The following PRKG1 variants were observed in gnomAD, a reference collection of about 807,000 sequenced individuals.
The protein encoded by PRKG1 is cGMP-dependent protein kinase 1.
A neutral mutation model predicts 88.1 loss-of-function variants in PRKG1; 35 were observed. That is an observed-to-expected ratio of 0.40 (90% CI 0.30 to 0.53). PRKG1 has a LOEUF of 0.53. Among genes scored for constraint, PRKG1 ranks in the 20% least tolerant of loss-of-function variants. PRKG1 has a pLI of 0.59. For missense variants in PRKG1, 540 were observed against 839.8 expected (o/e 0.64, Z 4.41); for synonymous variants, 303 against 292.5 (o/e 1.04, Z -0.37).
intron 2 of PRKG1, among the ~76,000 whole-genome samples, chr10:51,273,457 G>A (rs930410361): frequency 3.9e-5 from 6 of 152,092 alleles, no homozygotes; most frequent in Admixed American, 1.3e-4. Context: ...CCAGGAGGTC[G>A]AGGCTACAGT....
chr10:51,496,474 A>G (rs1840857898), intron 3 of PRKG1, among the ~76,000 whole-genome samples: 1 of 152,182 alleles, frequency 6.6e-6, no homozygotes, highest in Non-Finnish European at 1.5e-5. Flanking sequence ...ACTTTCAAGT[A>G]GAGAATTTTA....
chr10:51,355,441 A>G (rs1392283639), intron 2 of PRKG1, among the ~76,000 whole-genome samples: 1 of 152,042 alleles, frequency 6.6e-6, no homozygotes, highest in South Asian at 2.1e-4. Flanking sequence ...TATCCTTTGT[A>G]TTCTGCAGCT....
chr10:51,885,377 C>T (rs1353907451), intron 4 of PRKG1, among the ~76,000 whole-genome samples: 5 of 152,206 alleles, frequency 3.3e-5, no homozygotes, highest in South Asian at 4.1e-4. Context: ...ATAAAATTAC[C>T]TTATAATGTA....
At chr10:52,192,642 T>G (rs1589689435) in intron 9 of PRKG1, among the ~76,000 whole-genome samples, 1 of 152,140 alleles carries the variant, frequency 6.6e-6, no homozygotes, top group South Asian at 2.1e-4. Flanking sequence ...ATAAGAACTT[T>G]GCTTATGCAA....
At chr10:51,010,452 C>G (rs1842980437) in intron 1 of PRKG1, among the ~76,000 whole-genome samples, 1 of 152,184 alleles carries the variant, frequency 6.6e-6, no homozygotes, top group African/African-American at 2.4e-5. Flanking sequence ...CCTCACTATG[C>G]TGAAATTAAA....
At chr10:51,793,410 A>G (rs1404205310) in intron 3 of PRKG1, among the ~76,000 whole-genome samples, 1 of 152,130 alleles carries the variant, frequency 6.6e-6, no homozygotes, top group Admixed American at 6.6e-5. Flanking sequence ...ATGGGATAGC[A>G]TCAAAAGAAT....
intron 12 of PRKG1, among the ~76,000 whole-genome samples, chr10:52,277,095 A>T (rs1841889547): frequency 6.6e-6 from 1 of 152,204 alleles, no homozygotes; most frequent in African/African-American, 2.4e-5. Flanking sequence ...ACCAGAGAAA[A>T]CTGGAAACAA....
At chr10:52,137,883 A>G (rs1334636054) in intron 8 of PRKG1, among the ~76,000 whole-genome samples, 1 of 152,106 alleles carries the variant, frequency 6.6e-6, no homozygotes, top group Non-Finnish European at 1.5e-5. Context: ...ATTCACCGTT[A>G]TGGGAAGCTG....
rs116819285 is a variant in PRKG1 at position 51,186,732 on chromosome 10, C to T, written c.478+33402C>T. Among the ~76,000 whole-genome samples the T allele has an allele frequency of 5.7e-3, 862 of 151,802 alleles. 12 individuals carry two copies. Among genetic ancestry groups the T allele is most frequent in the African/African-American group, 0.019 (790 of 41,404 alleles). Reference sequence around the variant, plus strand: ...CGGTCAATTATATTATTTTCTCTTCCATTAATTAGCTGTATGTCTGCATTT... The same window carrying T: ...CGGTCAATTATATTATTTTCTCTTCTATTAATTAGCTGTATGTCTGCATTT... On this transcript the variant is annotated intron_variant, in intron 2 of 17. Coordinates refer to ENST00000373980, the MANE Select transcript of PRKG1 (RefSeq NM_006258.4).
At position 51,262,930 on chromosome 10, in the gene PRKG1, G is replaced by A. The variant is rs1046428579; in HGVS notation, c.478+109600G>A. Among the ~76,000 whole-genome samples the A allele has an allele frequency of 4.3e-4, 65 of 152,146 alleles. 2 individuals carry two copies. Among genetic ancestry groups the A allele is most frequent in the Non-Finnish European group, 1.5e-4 (10 of 68,030 alleles). ...AGATTACAATTTGACATGAGATTTGGATGGGGACACAGAACTAAACTCTAT... is the reference window on the plus strand; with the variant it reads ...AGATTACAATTTGACATGAGATTTGAATGGGGACACAGAACTAAACTCTAT... On this transcript the variant is annotated intron_variant, in intron 2 of 17. Coordinates refer to ENST00000373980, the MANE Select transcript of PRKG1 (RefSeq NM_006258.4).
rs146367162 is a variant in PRKG1 at position 52,039,539 on chromosome 10, G to A, written c.763-14945G>A. 6.7e-3 allele frequency among the ~76,000 whole-genome samples: 1,019 copies of A among 152,228 alleles called. 8 individuals are homozygous for A. Among genetic ancestry groups the A allele is most frequent in the Middle Eastern group, 0.037 (11 of 294 alleles). On this transcript the variant is annotated intron_variant, in intron 5 of 17. Coordinates refer to ENST00000373980, the MANE Select transcript of PRKG1 (RefSeq NM_006258.4). ...CAAATCACAGGGGATGCGATGGCTT[G>A]GCTTGGGCTCAGAGGCCTGACAGTA...
chr10:51,304,441 T>C (rs1245822548), intron 2 of PRKG1, among the ~76,000 whole-genome samples: 1 of 152,170 alleles, frequency 6.6e-6, no homozygotes, highest in Non-Finnish European at 1.5e-5. Flanking sequence ...GGGATTGGAC[T>C]TTCTGATAAG....
chr10:51,655,396 G>A (rs1490546520), intron 3 of PRKG1, among the ~76,000 whole-genome samples: 1 of 152,060 alleles, frequency 6.6e-6, no homozygotes, highest in East Asian at 1.9e-4. Flanking sequence ...AACATTGAAT[G>A]GTAGGATACT....
At chr10:51,521,140 A>T (rs1841725877) in intron 3 of PRKG1, among the ~76,000 whole-genome samples, 1 of 152,178 alleles carries the variant, frequency 6.6e-6, no homozygotes, top group Non-Finnish European at 1.5e-5. Context: ...TACAAAAATT[A>T]GCTGAGAGTG....
At chr10:51,321,985 TCA>T (rs1193696707) in intron 2 of PRKG1, among the ~76,000 whole-genome samples, 2 of 152,232 alleles carry the variant, frequency 1.3e-5, no homozygotes, top group African/African-American at 2.4e-5. Flanking sequence ...ATTCTGTTTC[TCA>T]CACAGTCTTT....
chr10:52,161,458 A>G (rs948912974), intron 8 of PRKG1, among the ~76,000 whole-genome samples: 2 of 152,086 alleles, frequency 1.3e-5, no homozygotes, highest in Non-Finnish European at 2.9e-5. Context: ...TGAGAATTGT[A>G]ATTAATATAT....
intron 5 of PRKG1, among the ~76,000 whole-genome samples, chr10:51,974,891 T>C (rs1188843234): frequency 1.3e-5 from 2 of 152,104 alleles, no homozygotes; most frequent in Non-Finnish European, 2.9e-5. Flanking sequence ...AGCTTATACC[T>C]AGTAGAAGAT....
chr10:52,154,770 A>G (rs1468879109), intron 8 of PRKG1, among the ~76,000 whole-genome samples: 1 of 152,074 alleles, frequency 6.6e-6, no homozygotes, highest in Non-Finnish European at 1.5e-5. Context: ...TGTACCCAGT[A>G]CGTAGTCTTT....
At chr10:51,303,851 C>T (rs991855059) in intron 2 of PRKG1, among the ~76,000 whole-genome samples, 1 of 152,020 alleles carries the variant, frequency 6.6e-6, no homozygotes, top group African/African-American at 2.4e-5. Flanking sequence ...GACAGAGTCT[C>T]ACTCTGTAAC....
Sources: allele counts gnomAD v4.1 joint callset (sites outside exome capture counted in the v4.1 genomes callset), GRCh38; gene constraint gnomAD v4.1.1; transcripts MANE v1.5; gene names NCBI Gene and HGNC (gene_info 2026-07-23, HGNC 2026-07-21).